DEFB106A: variants seen among roughly 807,000 people sequenced by gnomAD.
DEFB106A encodes defensin beta 106A, also known as beta-defensin 106.
For synonymous variants in DEFB106A, 1 was observed against 22.5 expected, an observed-to-expected ratio of 0.04 and a Z score of 2.70; for missense variants, 4 against 63.7, an observed-to-expected ratio of 0.06 and a Z score of 3.19.
intron 1 of DEFB106A, among the ~76,000 whole-genome samples, chr8:7,827,793 T>C (rs1437959943): frequency 7.1e-6 from 1 of 141,478 alleles, no homozygotes; most frequent in African/African-American, 2.5e-5. Flanking sequence ...GTCTATAGTA[T>C]AGTATTATAT....
At chr8:7,826,945 G>T (rs1221860032) in intron 1 of DEFB106A, among the ~76,000 whole-genome samples, 1 of 120,812 alleles carries the variant, frequency 8.3e-6, no homozygotes, top group African/African-American at 2.7e-5. Flanking sequence ...TGGGATTATA[G>T]GTGTGAGACA....
chr8:7,827,691 A>G (rs1268514954), intron 1 of DEFB106A, among the ~76,000 whole-genome samples: 3 of 134,462 alleles, frequency 2.2e-5, no homozygotes, highest in Non-Finnish European at 4.9e-5. Context: ...ATACCAGTAT[A>G]TACTATAATA....
intron 1 of DEFB106A, among the ~76,000 whole-genome samples, chr8:7,826,491 T>C (rs1253394967): frequency 4.3e-4 from 64 of 148,870 alleles, no homozygotes; most frequent in African/African-American, 1.4e-3. Context: ...CTATTAGATA[T>C]ACTAGAGTAT....
chr8:7,826,616 T>C (rs1472372987), intron 1 of DEFB106A, among the ~76,000 whole-genome samples: 4 of 146,126 alleles, frequency 2.7e-5, no homozygotes, highest in Admixed American at 2.1e-4. Flanking sequence ...ATTGTACTAG[T>C]ATTATATACT....
rs1817408849 is a variant in DEFB106A at position 7,826,694 on chromosome 8, AGTCTCACTCTGTTCCCCGGGCTG to A, written c.49+1471_49+1493del. Reference sequence around the variant, plus strand: ...TATTTTTTTTTTTTTTTTGAGATAGAGTCTCACTCTGTTCCCCGGGCTGGAGTGCAGTTTCACAATCTCAGCTC... The same window carrying A: ...TATTTTTTTTTTTTTTTTGAGATAGAGAGTGCAGTTTCACAATCTCAGCTC... On this transcript the variant is annotated intron_variant, in intron 1 of 1. Coordinates refer to ENST00000335186, the MANE Select transcript of DEFB106A (RefSeq NM_152251.4). 8.5e-5 allele frequency among the ~76,000 whole-genome samples: 10 copies of A among 117,822 alleles called. No individual in the cohort carries two copies. In the Admixed American group the frequency reaches 9.9e-4, roughly 12 times the overall value. The allele number at this position is 117,822 out of a possible 152,430, so 77.3% of individuals were successfully genotyped here. A position where few individuals can be genotyped will look rare whatever the true frequency, so the allele number is the denominator to read the frequency against.
chr8:7,827,658 A>G (rs1433177062), intron 1 of DEFB106A, among the ~76,000 whole-genome samples: 1 of 131,968 alleles, frequency 7.6e-6, no homozygotes, highest in African/African-American at 2.6e-5. Flanking sequence ...ATATACTAGT[A>G]TAATACTATA....
chr8:7,827,800 A>G (rs1361822081), intron 1 of DEFB106A, among the ~76,000 whole-genome samples: 8 of 141,612 alleles, frequency 5.6e-5, no homozygotes, highest in African/African-American at 2.0e-4. Flanking sequence ...GTATAGTATT[A>G]TATTAGTATC....
chr8:7,827,119 A>C (rs1354894625), intron 1 of DEFB106A, among the ~76,000 whole-genome samples: 2 of 118,148 alleles, frequency 1.7e-5, no homozygotes, highest in Admixed American at 1.9e-4. Flanking sequence ...TACTAGTATA[A>C]TACTCTAGTA....
chr8:7,827,013 C>T (rs1447618679), intron 1 of DEFB106A, among the ~76,000 whole-genome samples: 3 of 121,594 alleles, frequency 2.5e-5, no homozygotes, highest in African/African-American at 8.2e-5. Flanking sequence ...GTATTATATA[C>T]TAGTATGTAA....
chr8:7,827,117 TA>T (rs1436359398), intron 1 of DEFB106A, among the ~76,000 whole-genome samples: 3 of 119,196 alleles, frequency 2.5e-5, no homozygotes, highest in Admixed American at 9.4e-5. Flanking sequence ...CATACTAGTA[TA>T]ATACTCTAGT....
intron 1 of DEFB106A, among the ~76,000 whole-genome samples, chr8:7,827,872 C>T (rs1175944761): frequency 3.6e-5 from 5 of 140,816 alleles, no homozygotes; most frequent in Non-Finnish European, 7.9e-5. Flanking sequence ...GTTCATCGAG[C>T]TTTGAAATAG....
chr8:7,825,219 AC>A lies in DEFB106A; in HGVS notation c.47del (p.Pro16GlnfsTer36), dbSNP rs1263925468. ...TCTCTTTGCCGTGCTCTTCTTTCTG[AC>A]CCCAGGTAAAATGGGCATCTTTACA... is the stretch of plus-strand genomic sequence containing the variant. ...LFLFAVLFFL[T>X]PAKNAFFDEK... On this transcript the variant is annotated frameshift_variant, in exon 1 of 2. Transcript: ENST00000335186. LOFTEE classifies it high-confidence loss of function. 7.1e-6 allele frequency: 3 copies of A among 422,058 alleles called. No individual in the cohort carries two copies. Among genetic ancestry groups the A allele is most frequent in the Non-Finnish European group, 1.3e-5 (3 of 239,996 alleles). 26.1% of individuals were successfully genotyped at this position (422,058 alleles called of 1,614,324 possible).
intron 1 of DEFB106A, among the ~76,000 whole-genome samples, chr8:7,827,406 C>T (rs1453776348): frequency 8.7e-6 from 1 of 115,260 alleles, no homozygotes; most frequent in Admixed American, 9.3e-5. Context: ...AGTGTATATA[C>T]TATTATAATA....
chr8:7,827,881 A>C (rs1171749722), intron 1 of DEFB106A, among the ~76,000 whole-genome samples: 3 of 140,778 alleles, frequency 2.1e-5, no homozygotes, highest in African/African-American at 7.6e-5. Flanking sequence ...GCTTTGAAAT[A>C]GTGGAGTATT....
chr8:7,827,703 T>C (rs1312574986), intron 1 of DEFB106A, among the ~76,000 whole-genome samples: 3 of 134,978 alleles, frequency 2.2e-5, no homozygotes, highest in African/African-American at 7.7e-5. Flanking sequence ...ACTATAATAC[T>C]AGTATTTTTA....
At chr8:7,826,362 T>C (rs1219086240) in intron 1 of DEFB106A, among the ~76,000 whole-genome samples, 2 of 150,500 alleles carry the variant, frequency 1.3e-5, no homozygotes, top group Non-Finnish European at 3.0e-5. Context: ...AAATTATCTG[T>C]TAGATAATAC....
chr8:7,826,670 ATTTT>A (rs368772606), intron 1 of DEFB106A, among the ~76,000 whole-genome samples: 1 of 104,648 alleles, frequency 9.6e-6, no homozygotes, highest in Non-Finnish European at 2.0e-5. Context: ...ATATATACAT[ATTTT>A]TTTTTTTTTT....
At chr8:7,828,012 T>G (rs1198732184) in intron 1 of DEFB106A, among the ~76,000 whole-genome samples, 623 of 137,046 alleles carry the variant, frequency 4.5e-3, no homozygotes, top group Admixed American at 0.043. Context: ...TGACATTAAA[T>G]GTATATACAT....
intron 1 of DEFB106A, among the ~76,000 whole-genome samples, chr8:7,827,279 T>C (rs541154618): frequency 3.8e-5 from 4 of 105,140 alleles, no homozygotes; most frequent in African/African-American, 1.3e-4. Flanking sequence ...CTCTAGCATA[T>C]AGTATAGTGT....
Sources: gnomAD v4.1 joint callset for allele counts (sites outside exome capture counted in the v4.1 genomes callset) on GRCh38, gnomAD v4.1.1 for gene constraint, MANE v1.5 for transcripts, NCBI Gene and HGNC (gene_info 2026-07-23, HGNC 2026-07-21) for gene names.